PDE4B: variants seen among roughly 807,000 people sequenced by gnomAD.
PDE4B encodes the protein 3',5'-cyclic-AMP phosphodiesterase 4B.
A neutral mutation model predicts 82.2 loss-of-function variants in PDE4B; 20 were observed. The observed-to-expected ratio is 0.24, with a 90% CI of 0.17 to 0.35. PDE4B has a LOEUF of 0.35. PDE4B is among the 10% of genes least tolerant of loss of function. PDE4B has a pLI of 1.00. For missense variants in PDE4B, 655 were observed against 907.2 expected (o/e 0.72, Z 3.57); for synonymous variants, 320 against 318.9 (o/e 1.00, Z -0.04).
chr1:66,372,202 A>T, intron 16 of PDE4B, 111 bp from the exon 17 acceptor site: 1 of 1,123,274 alleles, frequency 8.9e-7, no homozygotes. Context: ...ATCCATTATG[A>T]TTGATCTTTC....
At chr1:66,100,697 A>T (rs1186480592) in intron 3 of PDE4B, among the ~76,000 whole-genome samples, 1 of 152,110 alleles carries the variant, frequency 6.6e-6, no homozygotes, top group African/African-American at 2.4e-5. Flanking sequence ...CACATCCCCA[A>T]AGCAACATTA....
At chr1:66,370,430 A>G (rs2050707633) in intron 16 of PDE4B, among the ~76,000 whole-genome samples, 1 of 152,230 alleles carries the variant, frequency 6.6e-6, no homozygotes, top group Non-Finnish European at 1.5e-5. Flanking sequence ...TAGATAAAGT[A>G]GATATTTCCC....
intron 3 of PDE4B, among the ~76,000 whole-genome samples, chr1:66,191,625 A>G (rs192818713): frequency 2.6e-5 from 4 of 152,330 alleles, no homozygotes; most frequent in African/African-American, 7.2e-5. Context: ...AAGAATCTAC[A>G]TGCAAGTGGA....
intron 3 of PDE4B, among the ~76,000 whole-genome samples, chr1:66,046,910 T>A (rs1654748370): frequency 6.6e-6 from 1 of 151,914 alleles, no homozygotes; most frequent in Admixed American, 6.6e-5. Flanking sequence ...AAATCTATAA[T>A]GAATCAATGC....
At chr1:66,213,707 G>A (rs1650240458) in intron 3 of PDE4B, among the ~76,000 whole-genome samples, 1 of 152,094 alleles carries the variant, frequency 6.6e-6, no homozygotes, top group Non-Finnish European at 1.5e-5. Flanking sequence ...ACTGCATTTG[G>A]ACCATTGCTC....
Position 65,964,477 on chromosome 1 carries a change from T to C in PDE4B, c.281+45642T>C, listed in dbSNP as rs144193591. Reference sequence around the variant, plus strand: ...TGGTTATGGCAAGAGAAATTAACTTTTATAAACCATAGTGTGAAAATCAAT... The same window carrying C: ...TGGTTATGGCAAGAGAAATTAACTTCTATAAACCATAGTGTGAAAATCAAT... On this transcript the variant is annotated intron_variant, in intron 3 of 16. Coordinates refer to ENST00000341517, the MANE Select transcript of PDE4B (RefSeq NM_002600.4). 5.9e-5 allele frequency among the ~76,000 whole-genome samples: 9 copies of C among 152,304 alleles called. No homozygotes were observed. In the East Asian group the frequency reaches 1.7e-3, roughly 29 times the overall value.
chr1:65,827,394 G>A (rs1455174055), intron 1 of PDE4B, among the ~76,000 whole-genome samples: 1 of 152,088 alleles, frequency 6.6e-6, no homozygotes, highest in African/African-American at 2.4e-5. Context: ...TATTGGAAAA[G>A]TTAGACAACA....
At chr1:65,868,362 C>T (rs757796246) in intron 1 of PDE4B, among the ~76,000 whole-genome samples, 55 of 152,114 alleles carry the variant, frequency 3.6e-4, no homozygotes, top group Admixed American at 5.2e-4. Context: ...TACAAGAAAG[C>T]GCAATTAATT....
At chr1:66,113,042 A>G (rs1645521137) in intron 3 of PDE4B, among the ~76,000 whole-genome samples, 4 of 152,276 alleles carry the variant, frequency 2.6e-5, no homozygotes, top group Middle Eastern at 6.8e-3. Flanking sequence ...AGTTTTTGAG[A>G]CACAATTGCA....
chr1:66,018,885 C>T (rs1652928422), intron 3 of PDE4B, among the ~76,000 whole-genome samples: 1 of 150,438 alleles, frequency 6.6e-6, no homozygotes, highest in South Asian at 2.1e-4. Flanking sequence ...AGACTCTGAC[C>T]TGAGGATAAA....
At chr1:65,963,067 G>GGT (rs1183287416) in intron 3 of PDE4B, among the ~76,000 whole-genome samples, 1 of 152,112 alleles carries the variant, frequency 6.6e-6, no homozygotes, top group Non-Finnish European at 1.5e-5. Context: ...CAACTGGCTT[G>GGT]GAAAATTCCT....
intron 1 of PDE4B, among the ~76,000 whole-genome samples, chr1:65,795,118 T>G (rs4341342): frequency 0.56 from 85,712 of 152,048 alleles, 26,854 homozygotes; most frequent in East Asian, 0.92. Context: ...ACAGTAATAG[T>G]TACTGTGTAT....
chr1:66,284,538 G>T (rs939598538), intron 7 of PDE4B, among the ~76,000 whole-genome samples: 3 of 152,116 alleles, frequency 2.0e-5, no homozygotes, highest in Non-Finnish European at 4.4e-5. Flanking sequence ...CATACCTGTA[G>T]TTCGATCTAC....
At chr1:65,976,667 T>C (rs1650424961) in intron 3 of PDE4B, among the ~76,000 whole-genome samples, 2 of 152,128 alleles carry the variant, frequency 1.3e-5, no homozygotes, top group African/African-American at 4.8e-5. Flanking sequence ...TTGGTGTTCT[T>C]GTGATAGTGA....
intron 3 of PDE4B, among the ~76,000 whole-genome samples, chr1:66,078,565 T>G (rs1656552700): frequency 6.6e-6 from 1 of 152,024 alleles, no homozygotes; most frequent in Non-Finnish European, 1.5e-5. Context: ...ATATACACTT[T>G]CCCCTTTTCT....
chr1:66,362,044 A>T (rs1662820834), intron 10 of PDE4B, among the ~76,000 whole-genome samples: 1 of 152,110 alleles, frequency 6.6e-6, no homozygotes, highest in African/African-American at 2.4e-5. Flanking sequence ...AGCCATTAAG[A>T]ATGCCATTGT....
chr1:66,030,352 G>A (rs1454744970), intron 3 of PDE4B, among the ~76,000 whole-genome samples: 1 of 152,138 alleles, frequency 6.6e-6, no homozygotes, highest in East Asian at 1.9e-4. Flanking sequence ...GTATCAGGAA[G>A]ATGCTGGATT....
At chr1:66,093,904 C>T (rs370058106) in intron 3 of PDE4B, among the ~76,000 whole-genome samples, 2 of 151,924 alleles carry the variant, frequency 1.3e-5, no homozygotes, top group Admixed American at 6.6e-5. Flanking sequence ...ATCATTTGGG[C>T]CCTTGATGTT....
intron 6 of PDE4B, among the ~76,000 whole-genome samples, chr1:66,261,319 A>G (rs1454583087): frequency 1.3e-5 from 2 of 152,188 alleles, no homozygotes; most frequent in Non-Finnish European, 2.9e-5. Context: ...TTTGGCAGGA[A>G]TGGATACAAC....
Sources: gnomAD v4.1 joint callset for allele counts (sites outside exome capture counted in the v4.1 genomes callset) on GRCh38, gnomAD v4.1.1 for gene constraint, MANE v1.5 for transcripts, NCBI Gene and HGNC (gene_info 2026-07-23, HGNC 2026-07-21) for gene names.